Variants in PDE8B observed in about 807,000 individuals in gnomAD.
PDE8B encodes the protein high affinity cAMP-specific and IBMX-insensitive 3',5'-cyclic phosphodiesterase 8B.
Under a neutral mutation model 101.3 loss-of-function variants are expected in PDE8B, and 26 were observed. The observed-to-expected ratio is 0.26, with a 90% CI of 0.19 to 0.36. The LOEUF (loss-of-function observed/expected upper bound fraction) is 0.36. PDE8B is among the 10% of genes least tolerant of loss of function. The probability of loss-of-function intolerance (pLI) is 1.00; values close to 1 mark genes in which losing one functional copy is unlikely to be tolerated. For missense variants in PDE8B, 810 were observed against 1,163.1 expected (o/e 0.70, Z 4.42); for synonymous variants, 424 against 429.3 (o/e 0.99, Z 0.15).
chr5:77,304,783 T>C (rs1293590174), intron 1 of PDE8B, among the ~76,000 whole-genome samples: 1 of 152,210 alleles, frequency 6.6e-6, no homozygotes, highest in Admixed American at 6.5e-5. Context: ...TTGATTTTGA[T>C]TGTAACGTAG....
chr5:77,095,289 T>C, the PDE8B span, among the ~76,000 whole-genome samples: 1 of 152,196 alleles, frequency 6.6e-6, no homozygotes, highest in Non-Finnish European at 1.5e-5. Context: ...CCAAAAATTG[T>C]TGCCAGGAAC....
chr5:77,196,433 A>G, the PDE8B span, among the ~76,000 whole-genome samples: 1 of 152,152 alleles, frequency 6.6e-6, no homozygotes, highest in South Asian at 2.1e-4. Context: ...AACATGTTTT[A>G]TGGTTAGTTT....
At chr5:77,394,491 T>C (rs1790602616) in intron 10 of PDE8B, among the ~76,000 whole-genome samples, 1 of 152,172 alleles carries the variant, frequency 6.6e-6, no homozygotes, top group Admixed American at 6.5e-5. Flanking sequence ...AATGATTCAC[T>C]AAGGGCTGTC....
At chr5:77,113,155 A>T in the PDE8B span, 10 of 152,246 alleles carry the variant, frequency 6.6e-5, no homozygotes, top group Non-Finnish European at 1.3e-4. Context: ...TTCTTCACAG[A>T]ATTGGAAAAA....
intron 5 of PDE8B, among the ~76,000 whole-genome samples, chr5:77,335,492 C>A (rs921985426): frequency 6.6e-6 from 1 of 152,004 alleles, no homozygotes; most frequent in Admixed American, 6.6e-5. Flanking sequence ...AAGCCAACCA[C>A]TCCAGATATG....
intron 11 of PDE8B, among the ~76,000 whole-genome samples, chr5:77,403,312 G>T (rs951527579): frequency 6.6e-6 from 1 of 152,114 alleles, no homozygotes; most frequent in Non-Finnish European, 1.5e-5. Flanking sequence ...AAGGGTGAAG[G>T]TTTAGTTATT....
Position 77,331,469 on chromosome 5 carries a change from A to G in PDE8B, c.708+10A>G. On this transcript the variant is annotated intron_variant, in intron 5 of 21. Transcript: ENST00000264917. The stretch of plus-strand genomic sequence containing the variant: ...CGCAGGCTTCAACAGGGTATGTACA[A>G]GATATCCAGCATCTCTCTCAGTTGC... The G allele has an allele frequency of 2.5e-6, 4 of 1,607,354 alleles. No individual in the cohort carries two copies. The highest frequency in any genetic ancestry group is 2.6e-6 in the Non-Finnish European group (3 of 1,174,104).
chr5:77,111,510 T>C, the PDE8B span, among the ~76,000 whole-genome samples: 9 of 152,064 alleles, frequency 5.9e-5, no homozygotes, highest in East Asian at 7.7e-4. Context: ...CAGAAAGCAA[T>C]TGAGGGAAAA....
chr5:77,332,480 G>A (rs958303808), intron 5 of PDE8B, among the ~76,000 whole-genome samples: 1 of 152,246 alleles, frequency 6.6e-6, no homozygotes, highest in Non-Finnish European at 1.5e-5. Flanking sequence ...TTACTCCAAA[G>A]AGACTTACCA....
At chr5:77,159,582 G>A in the PDE8B span, among the ~76,000 whole-genome samples, 15 of 152,060 alleles carry the variant, frequency 9.9e-5, no homozygotes, top group African/African-American at 2.9e-4. Flanking sequence ...ATCAACTCCC[G>A]TTCATATATG....
At chr5:77,122,685 G>A in the PDE8B span, among the ~76,000 whole-genome samples, 1 of 152,316 alleles carries the variant, frequency 6.6e-6, no homozygotes, top group East Asian at 1.9e-4. Flanking sequence ...TTGGAGGACA[G>A]TGTCATTACC....
the PDE8B span, chr5:77,134,180 G>C: frequency 4.6e-5 from 7 of 152,220 alleles, no homozygotes; most frequent in African/African-American, 1.2e-4. Flanking sequence ...GCATTGGAAT[G>C]GTTACTAAAG....
intron 10 of PDE8B, among the ~76,000 whole-genome samples, chr5:77,357,726 C>T (rs1782360237): frequency 6.6e-6 from 1 of 152,270 alleles, no homozygotes; most frequent in African/African-American, 2.4e-5. Context: ...GACTCAAGGA[C>T]TCTGTAGTTG....
chr5:77,121,730 AC>A, the PDE8B span, among the ~76,000 whole-genome samples: 2 of 150,886 alleles, frequency 1.3e-5, no homozygotes, highest in African/African-American at 4.9e-5. Context: ...CTGGTCTTGA[AC>A]TCCTGACCTC....
In PDE8B at chr5:77,409,009, C is replaced by G. The variant is rs762764995; in HGVS notation, c.1482C>G (p.Thr494=). 2 of 1,613,792 alleles carry G rather than the reference C, an allele frequency of 1.2e-6. No individual in the cohort carries two copies. The highest frequency in any genetic ancestry group is 1.7e-6 in the Non-Finnish European group (2 of 1,179,738). Reference sequence around the variant, plus strand: ...AACTGTACTCCCCTCAGCTGGGTACCAAAGATGAAGATCCCCACACCAGTG... The same window carrying G: ...AACTGTACTCCCCTCAGCTGGGTACGAAAGATGAAGATCCCCACACCAGTG... The part of the protein sequence containing the change: ...TTELYSPQLG[T]KDEDPHTSDL... Residue 494 remains threonine (T), a synonymous_variant, in exon 14 of 22, where the codon ACC becomes ACG. Transcript: ENST00000264917.
intron 10 of PDE8B, among the ~76,000 whole-genome samples, chr5:77,388,808 G>A (rs554592438): frequency 6.6e-6 from 1 of 152,256 alleles, no homozygotes; most frequent in African/African-American, 2.4e-5. Context: ...TGGCCACAGC[G>A]GCCTTACTGA....
At chr5:77,181,291 G>A in the PDE8B span, among the ~76,000 whole-genome samples, 1 of 152,136 alleles carries the variant, frequency 6.6e-6, no homozygotes, top group African/African-American at 2.4e-5. Flanking sequence ...AAGTGCCCGG[G>A]AGAACAGTCT....
chr5:77,184,553 T>G, the PDE8B span, among the ~76,000 whole-genome samples: 1 of 152,220 alleles, frequency 6.6e-6, no homozygotes, highest in African/African-American at 2.4e-5. Context: ...CTTAGTATGA[T>G]TTTATCTAAT....
intron 1 of PDE8B, among the ~76,000 whole-genome samples, chr5:77,256,029 G>T (rs1331220369): frequency 6.6e-6 from 1 of 152,136 alleles, no homozygotes; most frequent in Non-Finnish European, 1.5e-5. Context: ...TCTCGTGGTT[G>T]ATTTATATGG....
Sources: gnomAD v4.1 joint callset for allele counts (sites outside exome capture counted in the v4.1 genomes callset) on GRCh38, gnomAD v4.1.1 for gene constraint, MANE v1.5 for transcripts, NCBI Gene and HGNC (gene_info 2026-07-23, HGNC 2026-07-21) for gene names.